SLC6A3: variants seen among roughly 807,000 people sequenced by gnomAD.
SLC6A3 encodes the protein solute carrier family 6 member 3, also known as sodium-dependent dopamine transporter.
A neutral mutation model predicts 70.4 loss-of-function variants in SLC6A3; 19 were observed. The observed-to-expected ratio is 0.27, with a 90% confidence interval of 0.19 to 0.40. SLC6A3 has a LOEUF of 0.40. SLC6A3 is among the 10% of genes least tolerant of loss of function. The probability of loss-of-function intolerance (pLI) is 1.00; values close to 1 mark genes in which losing one functional copy is unlikely to be tolerated. For missense variants in SLC6A3, 613 were observed against 838.5 expected, an observed-to-expected ratio of 0.73 and a Z score of 3.32; for synonymous variants, 368 against 356.6, an observed-to-expected ratio of 1.03 and a Z score of -0.36.
intron 7 of SLC6A3, 104 bp from the exon 8 acceptor site, chr5:1,414,919 G>T: frequency 6.9e-7 from 1 of 1,447,760 alleles, no homozygotes; most frequent in Non-Finnish European, 9.6e-7. Flanking sequence ...GGGGGCGGGA[G>T]GTCTTCGGAG....
chr5:1,428,594 T>TG (rs1200384500), intron 4 of SLC6A3, among the ~76,000 whole-genome samples: 1 of 152,094 alleles, frequency 6.6e-6, no homozygotes, highest in Non-Finnish European at 1.5e-5. Flanking sequence ...CTCCCTCTGG[T>TG]GGGTGGGCTG....
rs749112684 is a variant in SLC6A3, at chr5:1,414,803, G to A, written c.1044C>T (p.Val348=). The change falls in exon 8 of 15, where the codon GTC becomes GTT. Residue 348 remains valine, a synonymous_variant. Transcript: ENST00000270349. ...TCGTCAGGGAGTTGATGGAGGTGGTGACAATCGCGTCCCTGTAAGAACAAG... is the reference window on the plus strand; with the variant it reads ...TCGTCAGGGAGTTGATGGAGGTGGTAACAATCGCGTCCCTGTAAGAACAAG... ...FTNNCYRDAI[V]TTSINSLTSF... 1 of 1,612,904 alleles carries A rather than the reference G, an allele frequency of 6.2e-7. No individual in the cohort carries two copies. Among genetic ancestry groups the A allele is most frequent in the Non-Finnish European group, 8.5e-7 (1 of 1,179,840 alleles).
Position 1,418,707 on chromosome 5 carries a change from T to TCATC in SLC6A3, c.927+1858_927+1861dup, listed in dbSNP as rs373277311. On this transcript the variant is annotated intron_variant, in intron 6 of 14. Coordinates refer to ENST00000270349, the MANE Select transcript of SLC6A3 (RefSeq NM_001044.5). ...TGTCCATCATCCACCAATCCACCCA[T>TCATC]CATCCATCCATCCATCCATCCACCC... Among the ~76,000 whole-genome samples, 1,062 of 149,540 alleles carry TCATC rather than the reference T, an allele frequency of 7.1e-3. 10 individuals are homozygous for TCATC. The highest frequency in any genetic ancestry group is 0.023 in the African/African-American group (944 of 40,546).
At chr5:1,399,625 G>A (rs2126316217) in intron 14 of SLC6A3, among the ~76,000 whole-genome samples, 1 of 152,314 alleles carries the variant, frequency 6.6e-6, no homozygotes, top group African/African-American at 2.4e-5. Flanking sequence ...AGCAGGACCG[G>A]AGGCCCAGTG....
chr5:1,439,144 G>T (rs1244556647), intron 3 of SLC6A3, among the ~76,000 whole-genome samples: 12 of 152,180 alleles, frequency 7.9e-5, no homozygotes. Flanking sequence ...TGGGTCTTCC[G>T]TTGGCTGCTG....
chr5:1,427,683 G>A (rs1756602636), intron 4 of SLC6A3, among the ~76,000 whole-genome samples: 1 of 152,144 alleles, frequency 6.6e-6, no homozygotes, highest in South Asian at 2.1e-4. Context: ...CACACAAACA[G>A]TAATGATACG....
chr5:1,440,977 A>G (rs1276639392), intron 3 of SLC6A3, among the ~76,000 whole-genome samples: 1 of 152,258 alleles, frequency 6.6e-6, no homozygotes, highest in Non-Finnish European at 1.5e-5. Flanking sequence ...TAGATGGGTG[A>G]ATGATTGATA....
At chr5:1,399,277 AAAAGAT>A (rs1755790331) in intron 14 of SLC6A3, among the ~76,000 whole-genome samples, 1 of 152,246 alleles carries the variant, frequency 6.6e-6, no homozygotes, top group Admixed American at 6.5e-5. Context: ...ACTTAGAACT[AAAAGAT>A]AAAGAAAAAT....
chr5:1,440,491 G>T, intron 3 of SLC6A3, among the ~76,000 whole-genome samples: 1 of 148,876 alleles, frequency 6.7e-6, no homozygotes, highest in East Asian at 1.9e-4. Context: ...GTGAATAGAT[G>T]ATTGACAGAT....
At chr5:1,424,338 C>T (rs1756530252) in intron 4 of SLC6A3, among the ~76,000 whole-genome samples, 1 of 152,234 alleles carries the variant, frequency 6.6e-6, no homozygotes, top group Non-Finnish European at 1.5e-5. Context: ...TCTCACTCCT[C>T]CTGCCACACA....
rs142241083 is a variant in SLC6A3 at position 1,414,767 on chromosome 5, G to A, written c.1080C>T (p.Ser360=). 2.8e-4 allele frequency: 454 copies of A among 1,612,896 alleles called. No homozygotes were observed. Among genetic ancestry groups the A allele is most frequent in the African/African-American group, 1.9e-3 (139 of 74,994 alleles). ...TSINSLTSFS[S]GFVVFSFLGY... Reference sequence around the variant, plus strand: ...CCAGGAAGGAGAAGACGACGAAGCCGGAGGAGAAGCTCGTCAGGGAGTTGA... The same window carrying A: ...CCAGGAAGGAGAAGACGACGAAGCCAGAGGAGAAGCTCGTCAGGGAGTTGA... The change falls in exon 8 of 15, where the codon TCC becomes TCT. Residue 360 remains serine (S), a synonymous_variant. Transcript: ENST00000270349.
chr5:1,422,056 A>G, intron 4 of SLC6A3, 42 bp from the exon 5 acceptor site: 2 of 1,598,552 alleles, frequency 1.3e-6, no homozygotes, highest in Non-Finnish European at 1.7e-6. Flanking sequence ...GGTGGCTGTC[A>G]ACCCACCTGG....
chr5:1,405,976 GT>G lies in SLC6A3; in HGVS notation c.1599+211del, dbSNP rs372346890. The stretch of plus-strand genomic sequence containing the variant: ...TGACAGGGGTCCAAGACCATGTGAG[GT>G]TTTTTCGGTGGGTCTAGAGGGGAGG... On this transcript the variant is annotated intron_variant, in intron 12 of 14. Transcript: ENST00000270349. This position sits in a 1 kb window ranked among gnomAD's most constrained non-coding sequence, Gnocchi z 5.3. 1.2e-3 allele frequency among the ~76,000 whole-genome samples: 185 copies of G among 152,302 alleles called. 1 individual carries two copies. Among genetic ancestry groups the G allele is most frequent in the African/African-American group, 4.0e-3 (167 of 41,566 alleles).
chr5:1,436,770 T>C lies in SLC6A3; in HGVS notation c.419-4072A>G, dbSNP rs1412856995. ...GCTGGCTGAGGGTCGTGCCTGCAAA[T>C]GGTGCTTCGCCCACCAGAGCACGGC... On this transcript the variant is annotated intron_variant, in intron 3 of 14. Transcript: ENST00000270349. The surrounding 1 kb of genome is among the most constrained non-coding windows in gnomAD (Gnocchi z 5.2). 6.6e-6 allele frequency among the ~76,000 whole-genome samples: 1 copy of C among 151,966 alleles called. No homozygotes were observed. The highest frequency in any genetic ancestry group is 1.5e-5 in the Non-Finnish European group (1 of 67,994).
chr5:1,418,614 C>G (rs1175147006), intron 6 of SLC6A3, among the ~76,000 whole-genome samples: 1 of 151,426 alleles, frequency 6.6e-6, no homozygotes, highest in Non-Finnish European at 1.5e-5. Flanking sequence ...ATCCATCCAT[C>G]CACCCATCCA....
rs1469691716 is a variant in SLC6A3 at position 1,420,639 on chromosome 5, G to A, written c.857C>T (p.Thr286Ile). 6.2e-7 allele frequency: 1 copy of A among 1,613,714 alleles called. No individual in the cohort carries two copies. Among genetic ancestry groups the A allele is most frequent in the Admixed American group, 1.7e-5 (1 of 60,032 alleles). ...VLTALLLRGV[T>I]LPGAIDGIRA... is the part of the protein sequence containing the mutation. ...GATGCCGTCTATGGCTCCAGGGAGGGTGACCCCACGCAGGAGCAGGGCAGT... is the reference window on the plus strand; with the variant it reads ...GATGCCGTCTATGGCTCCAGGGAGGATGACCCCACGCAGGAGCAGGGCAGT... Residue 286 changes from threonine to isoleucine, a missense_variant, in exon 6 of 15, where the codon ACC (threonine) becomes ATC (isoleucine). By Grantham distance (89) the Thr-to-Ile change is moderately conservative (BLOSUM62 -1). Around this residue, in one of 4 missense-constraint regions of SLC6A3, gnomAD observed 348 missense variants for 481.2 expected, o/e 0.72. Transcript: ENST00000270349.
chr5:1,430,803 G>GCCTGGCTGTTCCTATCACCA (rs2126390441), intron 4 of SLC6A3, among the ~76,000 whole-genome samples: 2 of 788 alleles, frequency 2.5e-3, no homozygotes, highest in Non-Finnish European at 0.011. Context: ...TCTGCTCACC[G>GCCTGGCTGTTCCTATCACCA]TGACTTGTAC....
chr5:1,417,534 C>T (rs1238207828), intron 6 of SLC6A3, among the ~76,000 whole-genome samples: 1 of 152,232 alleles, frequency 6.6e-6, no homozygotes, highest in Non-Finnish European at 1.5e-5. Context: ...TGTGCCTGCC[C>T]AACTCGGTGG....
chr5:1,414,597 C>A, intron 8 of SLC6A3, 94 bp downstream of exon 8: 2 of 1,452,688 alleles, frequency 1.4e-6, no homozygotes, highest in Non-Finnish European at 9.4e-7. Flanking sequence ...AGGGCCCATG[C>A]GTCTCCTTCC....
Sources: allele counts gnomAD v4.1 joint callset (sites outside exome capture counted in the v4.1 genomes callset), GRCh38; gene constraint gnomAD v4.1.1; regional missense constraint gnomAD v4.1.1; non-coding constraint Gnocchi (gnomAD v3.1); transcripts MANE v1.5; gene names NCBI Gene and HGNC (gene_info 2026-07-23, HGNC 2026-07-21).